MTHFSD: variants seen among roughly 807,000 people sequenced by gnomAD.
MTHFSD encodes methenyltetrahydrofolate synthetase domain containing, also known as methenyltetrahydrofolate synthase domain-containing protein.
Under a neutral mutation model 31.1 loss-of-function variants are expected in MTHFSD, and 37 were observed. That is an observed-to-expected ratio of 1.19 (90% confidence interval 0.91 to 1.56). MTHFSD has a LOEUF of 1.56. MTHFSD is among the 40% of genes most tolerant of loss of function. The probability of loss-of-function intolerance (pLI) is 0.00; values close to 1 mark genes in which losing one functional copy is unlikely to be tolerated. For missense variants in MTHFSD, 664 were observed against 510.1 expected (o/e 1.30, Z -2.91); for synonymous variants, 221 against 206.9 (o/e 1.07, Z -0.59).
Position 86,555,198 on chromosome 16 carries a change from C to G in MTHFSD, c.-14G>C. ...CCTCGGCTCCATGGTGATGCAGTCG[C>G]TGTGCGACGCTTCCCGGCGCAGGTT... On this transcript the variant is annotated 5_prime_UTR_variant, in exon 1 of 8. Coordinates refer to ENST00000360900, the MANE Select transcript of MTHFSD (RefSeq NM_001159377.2). 1 of 1,536,758 alleles carries G rather than the reference C, an allele frequency of 6.5e-7. No individual in the cohort carries two copies. The highest frequency in any genetic ancestry group is 8.7e-7 in the Non-Finnish European group (1 of 1,146,538).
rs771629979 is a variant in MTHFSD, at chr16:86,542,265, G to A, written c.443-52C>T. 34 of 1,475,256 alleles carry A rather than the reference G, an allele frequency of 2.3e-5. No homozygotes were observed. Among genetic ancestry groups the A allele is most frequent in the Non-Finnish European group, 3.0e-5 (32 of 1,068,876 alleles). The allele number at this position is 1,475,256 out of a possible 1,614,324, so 91.4% of individuals were successfully genotyped here. A position where few individuals can be genotyped will look rare whatever the true frequency, so the allele number is the denominator to read the frequency against. ...GCTGTGCGGTCCGGGGCATCGCTGAGAAGTGGATTTTCCATCAGGTCCAGT... is the reference window on the plus strand; with the variant it reads ...GCTGTGCGGTCCGGGGCATCGCTGAAAAGTGGATTTTCCATCAGGTCCAGT... On this transcript the variant is annotated intron_variant, in intron 5 of 7. Coordinates refer to ENST00000360900, the MANE Select transcript of MTHFSD (RefSeq NM_001159377.2). This position sits in a 1 kb window ranked among gnomAD's most constrained non-coding sequence, Gnocchi z 4.6.
At chr16:86,538,995 C>A (rs1313327057) in intron 7 of MTHFSD, among the ~76,000 whole-genome samples, 1 of 152,190 alleles carries the variant, frequency 6.6e-6, no homozygotes, top group Non-Finnish European at 1.5e-5. Flanking sequence ...GGAGCAAAAG[C>A]AGAGCCTTCT....
In MTHFSD at chr16:86,537,594, G is replaced by C. The variant is rs74575710; in HGVS notation, c.681+4103C>G. 1.3e-3 allele frequency among the ~76,000 whole-genome samples: 193 copies of C among 152,286 alleles called. 4 individuals are homozygous for C. In the East Asian group the frequency reaches 0.034, roughly 27 times the overall value. Reference sequence around the variant, plus strand: ...ACATACTGGCCCAGTTGTGGGTAGGGGTTGGTTCACAGTTAGCTGCATTAT... The same window carrying C: ...ACATACTGGCCCAGTTGTGGGTAGGCGTTGGTTCACAGTTAGCTGCATTAT... On this transcript the variant is annotated intron_variant, in intron 7 of 7. Coordinates refer to ENST00000360900, the MANE Select transcript of MTHFSD (RefSeq NM_001159377.2).
chr16:86,546,433 C>T (rs910359988), intron 5 of MTHFSD, 126 bp downstream of exon 5: 28 of 811,634 alleles, frequency 3.4e-5, no homozygotes, highest in Middle Eastern at 3.1e-4. Context: ...GCAGCGGCTT[C>T]GGAGACCAGG....
At chr16:86,534,427 G>A (rs1266085549) in intron 7 of MTHFSD, among the ~76,000 whole-genome samples, 34 of 152,180 alleles carry the variant, frequency 2.2e-4, no homozygotes, top group Admixed American at 2.2e-3. Flanking sequence ...CCCCAAGTGT[G>A]AAGCCTCGCC....
rs1321699699 is a variant in MTHFSD, at chr16:86,532,172, A to G, written c.991T>C (p.Ser331Pro). The change falls in exon 8 of 8, where the codon TCC becomes CCC. Residue 331 changes from serine to proline, a missense_variant. Ser to Pro is a moderately conservative substitution (Grantham distance 74). Coordinates refer to ENST00000360900, the MANE Select transcript of MTHFSD (RefSeq NM_001159377.2). ...TGCCAGGTGAGCCGCAGGGGCACGG[A>G]GCCGAGTTCCCGCAGGGCTCTCTTC... ...DLKRALRELG[S>P]VPLRLTWQGP... 1.9e-6 allele frequency: 3 copies of G among 1,569,884 alleles called. No individual in the cohort carries two copies. Among genetic ancestry groups the G allele is most frequent in the East Asian group, 4.7e-5 (2 of 42,750 alleles).
At chr16:86,540,918 T>A in intron 7 of MTHFSD, 4 of 1,135,884 alleles carry the variant, frequency 3.5e-6, no homozygotes, top group Non-Finnish European at 4.4e-6. Flanking sequence ...CCGGCTGGGC[T>A]GTGGCAAAAG....
chr16:86,532,737 G>A (rs140104430), intron 7 of MTHFSD: 273 of 326,864 alleles, frequency 8.4e-4, no homozygotes, highest in African/African-American at 5.1e-3. Flanking sequence ...CGTTTGCCAC[G>A]AGCTGTGGAG....
In MTHFSD at chr16:86,542,393, T is replaced by A. The variant is rs573342594; in HGVS notation, c.443-180A>T. ...GCAGCCCACACTGACGATGGACTTT[T>A]GGGCATTCAACAGGAATAACAACAC... is the stretch of plus-strand genomic sequence containing the variant. On this transcript the variant is annotated intron_variant, in intron 5 of 7. Transcript: ENST00000360900. This position sits in a 1 kb window ranked among gnomAD's most constrained non-coding sequence, Gnocchi z 4.6. 1 of 593,096 alleles carries A rather than the reference T, an allele frequency of 1.7e-6. No individual in the cohort carries two copies. The highest frequency in any genetic ancestry group is 3.1e-5 in the Admixed American group (1 of 32,324). 36.7% of individuals were successfully genotyped at this position (593,096 alleles called of 1,614,324 possible).
At chr16:86,549,876 G>A (rs2143820434) in intron 3 of MTHFSD, among the ~76,000 whole-genome samples, 1 of 152,388 alleles carries the variant, frequency 6.6e-6, no homozygotes, top group Admixed American at 6.5e-5. Flanking sequence ...CAGGTCTGGG[G>A]TTGGGCCTGG....
chr16:86,553,749 A>C (rs1973558240), intron 2 of MTHFSD: 1 of 152,806 alleles, frequency 6.5e-6, no homozygotes, highest in South Asian at 2.0e-4. Flanking sequence ...GGTGCACTGC[A>C]CGGGACTGGC....
In MTHFSD at chr16:86,530,631, AAG is replaced by A. The variant is rs1251849925; in HGVS notation, c.*1378_*1379del. ...AAAAGGTAAACAAAAAAAAAAAAAT[AAG>A]AATCTTTCAGAAAAAGAAGTATTTT... On this transcript the variant is annotated 3_prime_UTR_variant, in exon 8 of 8. Coordinates refer to ENST00000360900, the MANE Select transcript of MTHFSD (RefSeq NM_001159377.2). 1 of 151,530 alleles carries A rather than the reference AAG, an allele frequency of 6.6e-6. No homozygotes were observed. The allele number at this position is 151,530 out of a possible 1,614,324, so 9.4% of individuals were successfully genotyped here. A position where few individuals can be genotyped will look rare whatever the true frequency, so the allele number is the denominator to read the frequency against.
At position 86,532,322 on chromosome 16, in the gene MTHFSD, C is replaced by T. The variant is rs998752958; in HGVS notation, c.841G>A (p.Asp281Asn). The T allele has an allele frequency of 3.8e-6, 6 of 1,594,686 alleles. No homozygotes were observed. Among genetic ancestry groups the T allele is most frequent in the Middle Eastern group, 1.7e-4 (1 of 6,010 alleles). Reference sequence around the variant, plus strand: ...GAATTGGTTTCTGGTCCGGGTGTGTCCGGGGGCCTCCTGCCAACACTCAGG... The same window carrying T: ...GAATTGGTTTCTGGTCCGGGTGTGTTCGGGGGCCTCCTGCCAACACTCAGG... ...VPLSVGRRPP[D>N]TPGPETNSME... Residue 281 changes from aspartate (D) to asparagine (N), a missense_variant, in exon 8 of 8, where the codon GAC becomes AAC. Asp to Asn is a conservative substitution (Grantham distance 23). Coordinates refer to ENST00000360900, the MANE Select transcript of MTHFSD (RefSeq NM_001159377.2).
intron 5 of MTHFSD, among the ~76,000 whole-genome samples, chr16:86,545,782 A>G (rs1972205900): frequency 6.6e-6 from 1 of 152,240 alleles, no homozygotes; most frequent in Admixed American, 6.5e-5. Context: ...AAGACCACCC[A>G]GTGCCTGCCT....
intron 7 of MTHFSD, among the ~76,000 whole-genome samples, chr16:86,536,768 G>C (rs1220661807): frequency 6.6e-6 from 1 of 152,378 alleles, no homozygotes; most frequent in East Asian, 1.9e-4. Flanking sequence ...CTCATTGCGA[G>C]GCCCGCGGGA....
chr16:86,547,550 G>A lies in MTHFSD; in HGVS notation c.352-901C>T, dbSNP rs1420865806. On this transcript the variant is annotated intron_variant, in intron 4 of 7. Transcript: ENST00000360900. ...GTTCTCATCATCTCGCAGGGTCCAC[G>A]GGGGCAGGCACTGACCAACTGCAAA... 9.1e-6 allele frequency: 9 copies of A among 987,154 alleles called. No homozygotes were observed. In the South Asian group the frequency reaches 2.3e-4, roughly 26 times the overall value. 61.1% of individuals were successfully genotyped at this position (987,154 alleles called of 1,614,324 possible). A position where few individuals can be genotyped will look rare whatever the true frequency, so the allele number is the denominator to read the frequency against.
At chr16:86,536,416 A>G (rs927541935) in intron 7 of MTHFSD, among the ~76,000 whole-genome samples, 2 of 152,220 alleles carry the variant, frequency 1.3e-5, no homozygotes, top group East Asian at 1.9e-4. Context: ...AATCTCTTCA[A>G]CGTGGCTCAT....
intron 2 of MTHFSD, chr16:86,553,689 C>T (rs1285688561): frequency 6.5e-6 from 1 of 153,266 alleles, no homozygotes; most frequent in African/African-American, 2.4e-5. Context: ...AGCGACGCTC[C>T]TGCTCCACGG....
At position 86,546,517 on chromosome 16, in the gene MTHFSD, GCAGAGCTGTCA is replaced by G. The variant is rs764978722; in HGVS notation, c.442+31_442+41del. 2.6e-6 allele frequency: 4 copies of G among 1,566,572 alleles called. No homozygotes were observed. The Admixed American group carries it at 6.7e-5, about 26-fold the overall frequency. ...CAGCCTGGCACGCAGCCGCCTTCAG[GCAGAGCTGTCA>G]CACTCAAGGGTTCCCATCTGCTAGT... On this transcript the variant is annotated intron_variant, in intron 5 of 7. Transcript: ENST00000360900.
Sources: allele counts gnomAD v4.1 joint callset (sites outside exome capture counted in the v4.1 genomes callset), GRCh38; gene constraint gnomAD v4.1.1; non-coding constraint Gnocchi (gnomAD v3.1); transcripts MANE v1.5; gene names NCBI Gene and HGNC (gene_info 2026-07-23, HGNC 2026-07-21).